DSC2: variants seen among roughly 807,000 people sequenced by gnomAD.
DSC2 encodes the protein desmocollin-2.
DSC2 carries 51 observed loss-of-function variants against 87.6 expected under a neutral mutation model. The ratio of observed to expected loss-of-function variants is 0.58; its 90% CI spans 0.46 to 0.74. The LOEUF is 0.74. Ranked by LOEUF, DSC2 falls within the 30% of genes least tolerant of loss-of-function variation. DSC2 has a pLI of 0.00. For missense variants in DSC2, 1,066 were observed against 1,089.5 expected (o/e 0.98, Z 0.30); for synonymous variants, 383 against 393.2 (o/e 0.97, Z 0.31).
intron 7 of DSC2, among the ~76,000 whole-genome samples, chr18:31,085,972 A>AG (rs1987381394): frequency 6.6e-6 from 1 of 152,082 alleles, no homozygotes; most frequent in Non-Finnish European, 1.5e-5. Context: ...GATGTGATTC[A>AG]GGGGGGCCAA....
At chr18:31,097,535 C>T (rs1987801094) in intron 1 of DSC2, among the ~76,000 whole-genome samples, 2 of 151,490 alleles carry the variant, frequency 1.3e-5, no homozygotes, top group African/African-American at 4.9e-5. Flanking sequence ...TGGAACTAAA[C>T]AAGCTGATTT....
At chr18:31,079,229 T>G (rs1987121940) in intron 11 of DSC2, among the ~76,000 whole-genome samples, 1 of 151,954 alleles carries the variant, frequency 6.6e-6, no homozygotes, top group South Asian at 2.1e-4. Context: ...TGAAACAAGT[T>G]TTGTTTTTGT....
chr18:31,098,890 G>A (rs1987847175), intron 1 of DSC2, among the ~76,000 whole-genome samples: 1 of 152,204 alleles, frequency 6.6e-6, no homozygotes, highest in Admixed American at 6.5e-5. Context: ...ACAGGTACAA[G>A]TGAATAGACC....
At chr18:31,089,808 T>TC (rs1382575501) in intron 4 of DSC2, among the ~76,000 whole-genome samples, 9 of 152,176 alleles carry the variant, frequency 5.9e-5, no homozygotes, top group African/African-American at 2.2e-4. Context: ...ATCTTAGTTC[T>TC]CCAGAATAAC....
chr18:31,084,668 T>G (rs995614852), intron 7 of DSC2, among the ~76,000 whole-genome samples: 1 of 151,796 alleles, frequency 6.6e-6, no homozygotes, highest in Non-Finnish European at 1.5e-5. Context: ...GTTTTTGCTT[T>G]TTTTTTTTTT....
chr18:31,091,860 T>G (rs1987610833), intron 3 of DSC2, among the ~76,000 whole-genome samples: 1 of 152,190 alleles, frequency 6.6e-6, no homozygotes, highest in Non-Finnish European at 1.5e-5. Context: ...CTAATCTCAC[T>G]TTCCCATGCT....
intron 12 of DSC2, among the ~76,000 whole-genome samples, chr18:31,074,422 TGTGTGTGTGTGTG>T (rs1277933593): frequency 3.6e-3 from 2 of 548 alleles, no homozygotes; most frequent in East Asian, 0.048. Flanking sequence ...AGAGAAAAAA[TGTGTGTGTGTGTG>T]TGTGTGTGTG....
At chr18:31,088,846 C>G (rs1379389737) in intron 5 of DSC2, among the ~76,000 whole-genome samples, 5 of 152,018 alleles carry the variant, frequency 3.3e-5, no homozygotes, top group African/African-American at 1.2e-4. Flanking sequence ...TAAAGAGGTT[C>G]ACAGATCTTT....
At chr18:31,080,637 T>C (rs1987188415) in intron 9 of DSC2, among the ~76,000 whole-genome samples, 1 of 152,142 alleles carries the variant, frequency 6.6e-6, no homozygotes, top group Admixed American at 6.5e-5. Context: ...TCTCACAAGA[T>C]CTGGTTGTTC....
chr18:31,074,420 AATGTGTGTGTGTGTGTGTGTG>A (rs1567974266), intron 12 of DSC2, among the ~76,000 whole-genome samples: 4 of 108,554 alleles, frequency 3.7e-5, no homozygotes, highest in African/African-American at 1.5e-4. Context: ...AAAGAGAAAA[AATGTGTGTGTGTGTGTGTGTG>A]TGTGTGTGTG....
intron 7 of DSC2, 124 bp from the exon 8 acceptor site, chr18:31,083,184 C>G: frequency 6.4e-6 from 7 of 1,091,020 alleles, no homozygotes; most frequent in Non-Finnish European, 9.2e-6. Context: ...CATTTCACAG[C>G]ATTCGTGTAT....
Position 31,067,934 on chromosome 18 carries a change from TCTG to T in DSC2, c.*78_*80del. 7.5e-7 allele frequency: 1 copy of T among 1,337,110 alleles called. No homozygotes were observed. The highest frequency in any genetic ancestry group is 1.1e-6 in the Non-Finnish European group (1 of 947,162). The allele number at this position is 1,337,110 out of a possible 1,614,324, so 82.8% of individuals were successfully genotyped here. On this transcript the variant is annotated 3_prime_UTR_variant, in exon 16 of 16. Coordinates refer to ENST00000280904, the MANE Select transcript of DSC2 (RefSeq NM_024422.6). ...AGAAAAACCCCCACAAATAGCATCTTCTGCTTTAAAAAATTCTTGGTTTGTAAT... is the reference window on the plus strand; with the variant it reads ...AGAAAAACCCCCACAAATAGCATCTTCTTTAAAAAATTCTTGGTTTGTAAT...
At position 31,092,170 on chromosome 18, in the gene DSC2, G is replaced by A. The variant is rs773333125; in HGVS notation, c.285C>T (p.Thr95=). Residue 95 remains threonine, a synonymous_variant, in exon 3 of 16, where the codon ACC becomes ACT. Coordinates refer to ENST00000280904, the MANE Select transcript of DSC2 (RefSeq NM_024422.6). Reference sequence around the variant, plus strand: ...GGTTCTCAGTGTTGGAAAGTAATATGGTAAAACTTCTCTTCTCCGAGGACA... The same window carrying A: ...GGTTCTCAGTGTTGGAAAGTAATATAGTAAAACTTCTCTTCTCCGAGGACA... ...ILLSSEKRSF[T]ILLSNTENQE... is the part of the protein sequence containing the mutation. The A allele has an allele frequency of 5.6e-6, 9 of 1,613,332 alleles. No homozygotes were observed. Among genetic ancestry groups the A allele is most frequent in the African/African-American group, 2.7e-5 (2 of 74,864 alleles).
In DSC2 at chr18:31,064,478, G is replaced by A. The variant is rs1986566278; in HGVS notation, c.*3537C>T. The A allele has an allele frequency of 6.6e-6, 1 of 152,052 alleles. No individual in the cohort carries two copies. The highest frequency in any genetic ancestry group is 1.9e-4 in the East Asian group (1 of 5,182). 9.4% of individuals were successfully genotyped at this position (152,052 alleles called of 1,614,324 possible). On this transcript the variant is annotated 3_prime_UTR_variant, in exon 16 of 16. Coordinates refer to ENST00000280904, the MANE Select transcript of DSC2 (RefSeq NM_024422.6). ...ATTCTCAAAAGTTTGGCAGTTTTTGGCAAAAAATAGAGGATGCTATGGAAA... is the reference window on the plus strand; with the variant it reads ...ATTCTCAAAAGTTTGGCAGTTTTTGACAAAAAATAGAGGATGCTATGGAAA...
Position 31,089,612 on chromosome 18 carries a change from T to C in DSC2, c.475-18A>G, listed in dbSNP as rs757307517. On this transcript the variant is annotated intron_variant, in intron 4 of 15. Coordinates refer to ENST00000280904, the MANE Select transcript of DSC2 (RefSeq NM_024422.6). ...GATTGAACCTAGAAAGTAGATATTA[T>C]ATACATGAGACAAATCTTTATTTCA... is the stretch of plus-strand genomic sequence containing the variant. The C allele has an allele frequency of 6.2e-7, 1 of 1,609,438 alleles. No homozygotes were observed. Among genetic ancestry groups the C allele is most frequent in the Non-Finnish European group, 8.5e-7 (1 of 1,176,478 alleles).
In DSC2 at chr18:31,070,834, C is replaced by G. The variant is rs540366026; in HGVS notation, c.2142G>C (p.Leu714=). 2.5e-6 allele frequency: 4 copies of G among 1,613,748 alleles called. No individual in the cohort carries two copies. The highest frequency in any genetic ancestry group is 2.2e-5 in the South Asian group (2 of 91,072). ...IALLFCILFT[L]VCGASGTSKQ... is the part of the protein sequence containing the mutation. ...TAGACGTCCCAGAAGCCCCACAGAC[C>G]AGCGTAAACAGGATGCCTGGAGGAA... Residue 714 remains leucine, a synonymous_variant, in exon 14 of 16, where the codon CTG becomes CTC. Coordinates refer to ENST00000280904, the MANE Select transcript of DSC2 (RefSeq NM_024422.6).
intron 11 of DSC2, among the ~76,000 whole-genome samples, chr18:31,076,107 C>G (rs1987008353): frequency 6.6e-6 from 1 of 151,940 alleles, no homozygotes; most frequent in Non-Finnish European, 1.5e-5. Flanking sequence ...ATTTAAAAAC[C>G]CTGTGCCATC....
chr18:31,071,915 T>C (rs1171044403), intron 12 of DSC2, 74 bp from the exon 13 acceptor site: 30 of 1,299,940 alleles, frequency 2.3e-5, no homozygotes, highest in Non-Finnish European at 3.1e-5. Flanking sequence ...TAACTCATTA[T>C]CAGATAGTTA....
intron 4 of DSC2, 78 bp downstream of exon 4, chr18:31,090,950 A>C: frequency 6.3e-7 from 1 of 1,585,980 alleles, no homozygotes; most frequent in Non-Finnish European, 8.6e-7. Context: ...AACTATTACA[A>C]ATAACTTCAT....
Sources: allele counts gnomAD v4.1 joint callset (sites outside exome capture counted in the v4.1 genomes callset), GRCh38; gene constraint gnomAD v4.1.1; transcripts MANE v1.5; gene names NCBI Gene and HGNC (gene_info 2026-07-23, HGNC 2026-07-21).